SLCO1A2: variants seen among roughly 807,000 people sequenced by gnomAD.
SLCO1A2 encodes the protein solute carrier organic anion transporter family member 1A2.
Under a neutral mutation model 69.0 loss-of-function variants are expected in SLCO1A2, and 67 were observed. The observed-to-expected ratio is 0.97, with a 90% CI of 0.80 to 1.19. SLCO1A2 has a LOEUF of 1.19. SLCO1A2 is among the 50% of genes most tolerant of loss of function. The pLI, the probability that SLCO1A2 is intolerant of heterozygous loss-of-function variation, is 0.00. For synonymous variants in SLCO1A2, 260 were observed against 265.9 expected (o/e 0.98, Z 0.22); for missense variants, 787 against 793.7 (o/e 0.99, Z 0.10).
At chr12:21,400,540 C>T (rs1402582232) in intron 1 of SLCO1A2, among the ~76,000 whole-genome samples, 59 of 151,930 alleles carry the variant, frequency 3.9e-4, no homozygotes, top group Middle Eastern at 3.4e-3. Flanking sequence ...TATACCCAAA[C>T]GACTATAAAT....
upstream of SLCO1A2, chr12:21,395,527 C>T (rs377666427): frequency 6.6e-6 from 1 of 152,666 alleles, no homozygotes; most frequent in Non-Finnish European, 1.5e-5. Flanking sequence ...CACCACAGCT[C>T]AAGAAGGCCT....
chr12:21,287,510 G>C (rs1256063056), intron 12 of SLCO1A2, among the ~76,000 whole-genome samples: 1 of 141,520 alleles, frequency 7.1e-6, no homozygotes, highest in Non-Finnish European at 1.5e-5. Flanking sequence ...CCCATTACTG[G>C]GTATATACCC....
chr12:21,313,763 G>A (rs11837359), intron 4 of SLCO1A2, among the ~76,000 whole-genome samples: 8,913 of 151,742 alleles, frequency 0.059, 846 homozygotes, highest in African/African-American at 0.2. Flanking sequence ...GAGGTTAGGA[G>A]ATCGAGACCA....
upstream of SLCO1A2, among the ~76,000 whole-genome samples, chr12:21,338,780 G>C (rs949055876): frequency 2.6e-5 from 4 of 151,732 alleles, no homozygotes; most frequent in Non-Finnish European, 1.5e-5. Flanking sequence ...ACACTGAGCT[G>C]CTCCTTTTTC....
At chr12:21,304,228 A>G (rs1270956218) in intron 6 of SLCO1A2, among the ~76,000 whole-genome samples, 199 bp downstream of exon 6, 2 of 152,204 alleles carry the variant, frequency 1.3e-5, no homozygotes, top group Admixed American at 1.3e-4. Context: ...AATAGTAGAA[A>G]GTAGATTTAT....
At chr12:21,297,606 G>T in intron 8 of SLCO1A2, 38 bp from the exon 9 acceptor site, 1 of 1,427,832 alleles carries the variant, frequency 7.0e-7, no homozygotes. Context: ...AAACGAACTT[G>T]GCTTTGCATT....
chr12:21,408,669 A>C (rs1280541703), intron 1 of SLCO1A2, among the ~76,000 whole-genome samples: 2 of 152,156 alleles, frequency 1.3e-5, no homozygotes, highest in Admixed American at 6.5e-5. Flanking sequence ...AAGCATATAC[A>C]TCAGGGAAGC....
intron 2 of SLCO1A2, among the ~76,000 whole-genome samples, chr12:21,327,219 C>G (rs901416250): frequency 7.2e-5 from 11 of 152,162 alleles, no homozygotes; most frequent in Non-Finnish European, 1.3e-4. Flanking sequence ...GTTTGGGAAC[C>G]TCTGCCTAGA....
intron 1 of SLCO1A2, among the ~76,000 whole-genome samples, chr12:21,388,403 G>C (rs1478629240): frequency 6.6e-6 from 1 of 152,090 alleles, no homozygotes; most frequent in African/African-American, 2.4e-5. Flanking sequence ...TTGAATCATG[G>C]GGGCGGTTTT....
At chr12:21,337,638 C>G (rs1952937622), upstream of SLCO1A2, among the ~76,000 whole-genome samples, 2 of 151,836 alleles carry the variant, frequency 1.3e-5, no homozygotes. Flanking sequence ...TGGGTGGTAT[C>G]CAGCTGAAAC....
rs77434866 is a variant in SLCO1A2, at chr12:21,360,748, C to G, written c.-63+13651G>C. 4.6e-3 allele frequency among the ~76,000 whole-genome samples: 708 copies of G among 152,348 alleles called. 7 individuals carry two copies. The highest frequency in any genetic ancestry group is 0.016 in the African/African-American group (683 of 41,590). ...CACACCAGGAGATTATATCCCGCGG[C>G]TGGCTTGGAGGCTCCCACACCCACG... On this transcript the variant is annotated intron_variant, in intron 2 of 15. Coordinates refer to the SLCO1A2 transcript ENST00000307378.
upstream of SLCO1A2, among the ~76,000 whole-genome samples, chr12:21,397,671 A>G (rs1591916574): frequency 6.6e-6 from 1 of 150,630 alleles, no homozygotes; most frequent in African/African-American, 2.4e-5. Context: ...ATAACAAACT[A>G]TCTCTCAGAC....
chr12:21,270,833 T>G lies in SLCO1A2; in HGVS notation c.1794-1066A>C, dbSNP rs1352409682. On this transcript the variant is annotated intron_variant, in intron 14 of 14. Coordinates refer to ENST00000683939, the MANE Select transcript of SLCO1A2 (RefSeq NM_001386879.1). ...ATATTAGCTTTTTCATCCTTAATGA[T>G]GTTTTATTTGTGCCTCCTCTCTTTA... 2.0e-5 allele frequency among the ~76,000 whole-genome samples: 3 copies of G among 149,394 alleles called. No homozygotes were observed. The South Asian group carries it at 6.2e-4, about 31-fold the overall frequency.
rs750930481 is a variant in SLCO1A2, at chr12:21,297,385, C to A, written c.1075+19G>T. The A allele has an allele frequency of 1.3e-6, 2 of 1,598,170 alleles. No individual in the cohort carries two copies. The highest frequency in any genetic ancestry group is 2.2e-5 in the South Asian group (2 of 89,382). ...TGGGGGGGAAAGTGTGCTAGTAAGG[C>A]AGAGAAAAACAAACATACCCATTAG... On this transcript the variant is annotated intron_variant, in intron 9 of 14. Coordinates refer to ENST00000683939, the MANE Select transcript of SLCO1A2 (RefSeq NM_001386879.1).
At chr12:21,328,776 CA>C (rs1952422090) in intron 2 of SLCO1A2, among the ~76,000 whole-genome samples, 1 of 151,942 alleles carries the variant, frequency 6.6e-6, no homozygotes, top group South Asian at 2.1e-4. Flanking sequence ...GTCCCAAGAC[CA>C]AAAAAGAATT....
chr12:21,343,139 A>C (rs1393015933), intron 2 of SLCO1A2, among the ~76,000 whole-genome samples: 1 of 152,098 alleles, frequency 6.6e-6, no homozygotes, highest in Non-Finnish European at 1.5e-5. Flanking sequence ...AGACTTACTT[A>C]ATTGACCTGT....
intron 5 of SLCO1A2, 65 bp downstream of exon 5, chr12:21,306,817 C>T: frequency 1.0e-6 from 1 of 967,784 alleles, no homozygotes; most frequent in Non-Finnish European, 1.6e-6. Context: ...TCATTCAAGC[C>T]CCTCAGCAGA....
intron 1 of SLCO1A2, among the ~76,000 whole-genome samples, chr12:21,416,536 T>C (rs1478088277): frequency 2.0e-5 from 3 of 152,008 alleles, no homozygotes; most frequent in African/African-American, 7.2e-5. Flanking sequence ...GCTAGCTTCG[T>C]GGGTATGTGT....
At chr12:21,371,204 A>G (rs1939765462) in intron 2 of SLCO1A2, among the ~76,000 whole-genome samples, 1 of 152,160 alleles carries the variant, frequency 6.6e-6, no homozygotes, top group Non-Finnish European at 1.5e-5. Context: ...TTGTTATAGC[A>G]ATGGTAAACT....
Sources: allele counts gnomAD v4.1 joint callset (sites outside exome capture counted in the v4.1 genomes callset), GRCh38; gene constraint gnomAD v4.1.1; transcripts MANE v1.5; gene names NCBI Gene and HGNC (gene_info 2026-07-23, HGNC 2026-07-21).